The following ELAVL2 variants were observed in gnomAD, a reference collection of about 807,000 sequenced individuals.
The protein encoded by ELAVL2 is ELAV like RNA binding protein 2, also known as ELAV-like protein 2.
A neutral mutation model predicts 34.6 loss-of-function variants in ELAVL2; 4 were observed. The ratio of observed to expected loss-of-function variants is 0.12; its 90% confidence interval spans 0.06 to 0.26. The LOEUF (loss-of-function observed/expected upper bound fraction) is 0.26. Ranked by LOEUF, ELAVL2 falls within the 10% of genes least tolerant of loss-of-function variation. The pLI is 1.00. For synonymous variants in ELAVL2, 193 were observed against 154.8 expected, an observed-to-expected ratio of 1.25 and a Z score of -1.83; for missense variants, 432 against 442.8, an observed-to-expected ratio of 0.98 and a Z score of 0.22.
chr9:23,728,900 G>A (rs539119241), intron 3 of ELAVL2, among the ~76,000 whole-genome samples: 29 of 152,180 alleles, frequency 1.9e-4, no homozygotes, highest in Middle Eastern at 3.4e-3. Context: ...AAATAGGGGC[G>A]GGGAAAGAAG....
the ELAVL2 span, among the ~76,000 whole-genome samples, chr9:23,838,184 T>C: frequency 2.6e-5 from 4 of 152,088 alleles, no homozygotes; most frequent in Admixed American, 6.6e-5. Flanking sequence ...TTTGAGGTAA[T>C]GGGAGTTGGA....
chr9:23,808,233 C>G (rs1419208133), intron 1 of ELAVL2, among the ~76,000 whole-genome samples: 2 of 152,094 alleles, frequency 1.3e-5, no homozygotes, highest in Non-Finnish European at 2.9e-5. Context: ...TGTTATAAGC[C>G]TTAAAGGTTA....
chr9:23,759,754 T>TTATTTA (rs1554719966), intron 2 of ELAVL2, among the ~76,000 whole-genome samples: 23 of 81,346 alleles, frequency 2.8e-4, no homozygotes, highest in African/African-American at 6.1e-4. Flanking sequence ...ATATATAGTA[T>TTATTTA]TATATATATA....
At chr9:23,787,452 G>A (rs982441332) in intron 1 of ELAVL2, among the ~76,000 whole-genome samples, 1 of 151,212 alleles carries the variant, frequency 6.6e-6, no homozygotes, top group African/African-American at 2.4e-5. Flanking sequence ...GGCTGGTCTC[G>A]AACTCCTAAC....
intron 1 of ELAVL2, among the ~76,000 whole-genome samples, chr9:23,824,252 A>G (rs2065140390): frequency 6.6e-6 from 1 of 152,208 alleles, no homozygotes; most frequent in African/African-American, 2.4e-5. Flanking sequence ...ACAGTTGTAT[A>G]GCTTTCGTAT....
At position 23,751,378 on chromosome 9, in the gene ELAVL2, T is replaced by C. The variant is rs111253255; in HGVS notation, c.229+10628A>G. The stretch of plus-strand genomic sequence containing the variant: ...CTCATGGAAACTGCCCCCTCCCCCA[T>C]ACACACAAACTGAAATCTGTAAAGT... On this transcript the variant is annotated intron_variant, in intron 2 of 6. Transcript: ENST00000397312. 2.9e-4 allele frequency among the ~76,000 whole-genome samples: 44 copies of C among 152,256 alleles called. 1 individual carries two copies. Among genetic ancestry groups the C allele is most frequent in the African/African-American group, 1.0e-3 (42 of 41,572 alleles).
chr9:23,746,783 G>A (rs1439901146), intron 2 of ELAVL2, among the ~76,000 whole-genome samples: 2 of 135,702 alleles, frequency 1.5e-5, no homozygotes, highest in African/African-American at 5.5e-5. Context: ...TTGGATCCAC[G>A]AACATCCTTA....
intron 2 of ELAVL2, among the ~76,000 whole-genome samples, chr9:23,737,132 G>A (rs1191343854): frequency 6.6e-6 from 1 of 152,160 alleles, no homozygotes; most frequent in Non-Finnish European, 1.5e-5. Context: ...TCACTAGACT[G>A]CTGAGCAAGG....
Position 23,691,747 on chromosome 9 carries a change from A to C in ELAVL2, c.*810T>G, listed in dbSNP as rs193124037. The C allele has an allele frequency of 1.3e-5, 2 of 152,626 alleles. No individual in the cohort carries two copies. The highest frequency in any genetic ancestry group is 4.8e-5 in the African/African-American group (2 of 41,566). 9.5% of individuals were successfully genotyped at this position (152,626 alleles called of 1,614,324 possible). A position where few individuals can be genotyped will look rare whatever the true frequency, so the allele number is the denominator to read the frequency against. ...CTCAAAAGTATTTTCTACACCATAA[A>C]TCTTTCTAAATTTTCCAACCGCTGC... On this transcript the variant is annotated 3_prime_UTR_variant, in exon 7 of 7. Transcript: ENST00000397312.
chr9:23,814,197 G>T (rs536309496), intron 1 of ELAVL2, among the ~76,000 whole-genome samples: 116 of 152,268 alleles, frequency 7.6e-4, no homozygotes, highest in African/African-American at 2.6e-3. Flanking sequence ...CAAATAATTT[G>T]TCCACTGATA....
the ELAVL2 span, among the ~76,000 whole-genome samples, chr9:23,842,757 ATC>A: frequency 6.6e-6 from 1 of 151,940 alleles, no homozygotes; most frequent in Non-Finnish European, 1.5e-5. Flanking sequence ...ATAACTCAAA[ATC>A]TCTCCCTTCT....
At chr9:23,741,693 A>C (rs1171510913) in intron 2 of ELAVL2, among the ~76,000 whole-genome samples, 4 of 152,176 alleles carry the variant, frequency 2.6e-5, no homozygotes, top group Non-Finnish European at 5.9e-5. Flanking sequence ...AGTCAAGATA[A>C]TGCCAATTAG....
At chr9:23,781,057 A>G (rs973002762) in intron 1 of ELAVL2, among the ~76,000 whole-genome samples, 1 of 152,304 alleles carries the variant, frequency 6.6e-6, no homozygotes, top group Non-Finnish European at 1.5e-5. Flanking sequence ...GACCCTCAAC[A>G]AGTTTGTTAT....
intron 3 of ELAVL2, among the ~76,000 whole-genome samples, chr9:23,706,066 C>A (rs966549515): frequency 6.6e-6 from 1 of 152,130 alleles, no homozygotes; most frequent in Non-Finnish European, 1.5e-5. Flanking sequence ...TGTGAACAAG[C>A]CCTCATTATC....
At chr9:23,787,416 G>C (rs1371764765) in intron 1 of ELAVL2, among the ~76,000 whole-genome samples, 1 of 151,860 alleles carries the variant, frequency 6.6e-6, no homozygotes, top group Non-Finnish European at 1.5e-5. Flanking sequence ...ATTTTTAATA[G>C]AGATGGGTTT....
At chr9:23,842,369 C>G in the ELAVL2 span, among the ~76,000 whole-genome samples, 1 of 152,062 alleles carries the variant, frequency 6.6e-6, no homozygotes, top group Non-Finnish European at 1.5e-5. Flanking sequence ...CCCTAGAGGA[C>G]TGGAGAACAG....
chr9:23,831,826 G>C, the ELAVL2 span, among the ~76,000 whole-genome samples: 3 of 152,108 alleles, frequency 2.0e-5, no homozygotes, highest in African/African-American at 7.2e-5. Context: ...GTAGTGGGAG[G>C]GGGCAGTGAG....
intron 1 of ELAVL2, among the ~76,000 whole-genome samples, chr9:23,769,285 G>A (rs1414805943): frequency 1.3e-5 from 2 of 152,084 alleles, no homozygotes; most frequent in African/African-American, 2.4e-5. Flanking sequence ...AGGGACAAAA[G>A]CACTCCAAAA....
chr9:23,785,511 A>G (rs550581400), intron 1 of ELAVL2, among the ~76,000 whole-genome samples: 8 of 152,344 alleles, frequency 5.3e-5, no homozygotes, highest in Admixed American at 1.3e-4. Flanking sequence ...TTTTAATCAG[A>G]TATCTCCCAA....
Sources: gnomAD v4.1 joint callset for allele counts (sites outside exome capture counted in the v4.1 genomes callset) on GRCh38, gnomAD v4.1.1 for gene constraint, MANE v1.5 for transcripts, NCBI Gene and HGNC (gene_info 2026-07-23, HGNC 2026-07-21) for gene names.